The following USP28 variants were observed in gnomAD, a reference collection of about 807,000 sequenced individuals.
USP28 encodes ubiquitin specific peptidase 28.
In USP28, 113 loss-of-function variants were observed where a neutral mutation model predicts 145.0. The observed-to-expected ratio is 0.78, with a 90% CI of 0.67 to 0.91. The LOEUF (loss-of-function observed/expected upper bound fraction) is 0.91. Among genes scored for constraint, USP28 ranks in the 40% least tolerant of loss-of-function variants. The probability of loss-of-function intolerance (pLI) is 0.00; values close to 1 mark genes in which losing one functional copy is unlikely to be tolerated. For synonymous variants in USP28, 447 were observed against 450.9 expected, an observed-to-expected ratio of 0.99 and a Z score of 0.11; for missense variants, 1,201 against 1,289.6, an observed-to-expected ratio of 0.93 and a Z score of 1.05.
chr11:113,866,761 T>A (rs1473221007), intron 1 of USP28, among the ~76,000 whole-genome samples: 1 of 152,176 alleles, frequency 6.6e-6, no homozygotes, highest in Admixed American at 6.6e-5. Flanking sequence ...AAGTTAAACA[T>A]AGAATTACCA....
chr11:113,859,375 A>T (rs1484039743), intron 1 of USP28: 1 of 152,232 alleles, frequency 6.6e-6, no homozygotes, highest in African/African-American at 2.4e-5. Context: ...ATTAACTAAA[A>T]TTGGAACAAT....
At chr11:113,875,121 C>G (rs74674984) in intron 1 of USP28, among the ~76,000 whole-genome samples, 2,845 of 152,292 alleles carry the variant, frequency 0.019, 91 homozygotes, top group African/African-American at 0.063. Flanking sequence ...AGTTTCTCAC[C>G]CCGGACGGGG....
chr11:113,799,269 G>C (rs933363477), exon 25 of USP28: 1 of 1,613,708 alleles, frequency 6.2e-7, no homozygotes, highest in African/African-American at 1.3e-5. Flanking sequence ...GAAACTCCCT[G>C]AATTGACTCC....
chr11:113,860,228 C>T (rs1398270393), intron 1 of USP28, among the ~76,000 whole-genome samples: 1 of 152,152 alleles, frequency 6.6e-6, no homozygotes, highest in Non-Finnish European at 1.5e-5. Context: ...TCCATTCCTT[C>T]AAACAGTGAT....
At chr11:113,827,388 A>G (rs775029983) in intron 10 of USP28, 28 bp from the exon 11 acceptor site, 50 of 1,549,932 alleles carry the variant, frequency 3.2e-5, no homozygotes, top group Non-Finnish European at 3.1e-5. Context: ...AATGTGAGAG[A>G]AAGAAAAATT....
intron 1 of USP28, among the ~76,000 whole-genome samples, chr11:113,863,068 G>A (rs181867201): frequency 2.0e-5 from 3 of 151,978 alleles, no homozygotes; most frequent in Admixed American, 2.0e-4. Context: ...AAAATAAATG[G>A]CACCTAAATT....
chr11:113,855,016 T>C (rs1430823328), intron 1 of USP28, among the ~76,000 whole-genome samples: 1 of 152,206 alleles, frequency 6.6e-6, no homozygotes, highest in African/African-American at 2.4e-5. Context: ...TTCCTGCACA[T>C]GCCATTAGTG....
At chr11:113,839,499 C>T (rs566415640) in intron 5 of USP28, among the ~76,000 whole-genome samples, 57 of 152,264 alleles carry the variant, frequency 3.7e-4, no homozygotes, top group African/African-American at 1.3e-3. Context: ...GCAAGAGGAT[C>T]CCTTGAACCT....
At chr11:113,820,246 G>A (rs1463432777) in intron 12 of USP28, 1 of 152,152 alleles carries the variant, frequency 6.6e-6, no homozygotes, top group African/African-American at 2.4e-5. Flanking sequence ...CCAAGCTACT[G>A]TCTTACCTCC....
chr11:113,847,811 C>T (rs1299706467), intron 3 of USP28, among the ~76,000 whole-genome samples: 2 of 152,160 alleles, frequency 1.3e-5, no homozygotes, highest in Admixed American at 6.6e-5. Flanking sequence ...CTGGCTTTAT[C>T]ATGACAGGGA....
chr11:113,875,541 C>T (rs1176152888), exon 1 of USP28: 9 of 1,135,912 alleles, frequency 7.9e-6, no homozygotes, highest in African/African-American at 1.6e-5. Context: ...TCTCCCGCCG[C>T]AGCCGCCGCC....
At chr11:113,817,337 C>T (rs935600678) in intron 13 of USP28, among the ~76,000 whole-genome samples, 1 of 152,200 alleles carries the variant, frequency 6.6e-6, no homozygotes, top group African/African-American at 2.4e-5. Flanking sequence ...AAGAGCAGGG[C>T]TTGAGGTTTC....
chr11:113,812,500 G>A (rs1476484533), exon 16 of USP28: 1 of 1,613,674 alleles, frequency 6.2e-7, no homozygotes, highest in Non-Finnish European at 8.5e-7. Flanking sequence ...CAAGCGATAA[G>A]GCACCTGTAA....
exon 1 of USP28, chr11:113,875,525 C>A: frequency 8.7e-7 from 1 of 1,151,228 alleles, no homozygotes; most frequent in South Asian, 4.0e-5. Context: ...AGCCGCGGGT[C>A]ACCGGTCTCC....
intron 1 of USP28, chr11:113,874,468 C>T: frequency 2.4e-6 from 1 of 423,772 alleles, no homozygotes; most frequent in Non-Finnish European, 3.9e-6. Flanking sequence ...ATGCTAAATA[C>T]TACTGGCCTT....
At chr11:113,826,380 A>C (rs1591280786) in intron 11 of USP28, among the ~76,000 whole-genome samples, 1 of 103,018 alleles carries the variant, frequency 9.7e-6, no homozygotes. Context: ...ACAGGGTCTC[A>C]CTCTGTTACC....
intron 1 of USP28, among the ~76,000 whole-genome samples, chr11:113,870,149 C>A (rs766766033): frequency 6.6e-6 from 1 of 152,072 alleles, no homozygotes; most frequent in East Asian, 1.9e-4. Context: ...GCAACAAGAG[C>A]GAAACTCCGT....
chr11:113,800,465 A>AT (rs1197999106), intron 24 of USP28, among the ~76,000 whole-genome samples: 2 of 151,158 alleles, frequency 1.3e-5, no homozygotes, highest in Non-Finnish European at 2.9e-5. Flanking sequence ...CTAAGTTTTC[A>AT]TTTTTTGTAG....
intron 5 of USP28, among the ~76,000 whole-genome samples, chr11:113,839,710 G>A (rs1944979113): frequency 6.6e-6 from 1 of 151,958 alleles, no homozygotes; most frequent in Admixed American, 6.5e-5. Context: ...CCAACATGGC[G>A]AAACCCTGTC....
Sources: allele counts gnomAD v4.1 joint callset (sites outside exome capture counted in the v4.1 genomes callset), GRCh38; gene constraint gnomAD v4.1.1; transcripts MANE v1.5; gene names NCBI Gene and HGNC (gene_info 2026-07-23, HGNC 2026-07-21).